Variants in IGSF3 observed in about 807,000 individuals in gnomAD.
The protein encoded by IGSF3 is immunoglobulin superfamily member 3.
Under a neutral mutation model 114.4 loss-of-function variants are expected in IGSF3, and 23 were observed. The ratio of observed to expected loss-of-function variants is 0.20; its 90% CI spans 0.14 to 0.28. The LOEUF (loss-of-function observed/expected upper bound fraction) is 0.28, where lower values mean the gene tolerates loss of function less well. Among genes scored for constraint, IGSF3 ranks in the 10% least tolerant of loss-of-function variants. IGSF3 has a pLI of 1.00. For missense variants in IGSF3, 1,172 were observed against 1,591.5 expected (o/e 0.74, Z 4.48); for synonymous variants, 571 against 645.2 (o/e 0.88, Z 1.74).
In IGSF3 at chr1:116,593,504, C is replaced by T. The variant is rs1350868341; in HGVS notation, c.2030-4400G>A. On this transcript the variant is annotated intron_variant, in intron 7 of 10. Coordinates refer to ENST00000369486, the MANE Select transcript of IGSF3 (RefSeq NM_001007237.3). This position sits in a 1 kb window ranked among gnomAD's most constrained non-coding sequence, Gnocchi z 4.5. ...GGAGAGAAGCAAGTCAGATGAGAGA[C>T]AAGGAAAGAATGCAGGGTGAGCTGC... 1.3e-5 allele frequency among the ~76,000 whole-genome samples: 2 copies of T among 152,192 alleles called. No individual in the cohort carries two copies. The highest frequency in any genetic ancestry group is 4.8e-5 in the African/African-American group (2 of 41,444).
chr1:116,579,170 T>C lies in IGSF3; in HGVS notation c.3334+222A>G, dbSNP rs189818569. On this transcript the variant is annotated intron_variant, in intron 10 of 10. Coordinates refer to ENST00000369486, the MANE Select transcript of IGSF3 (RefSeq NM_001007237.3). The surrounding 1 kb of genome is among the most constrained non-coding windows in gnomAD (Gnocchi z 6.4). Reference sequence around the variant, plus strand: ...CATCGAGTTTATTATAAAGATTATATGGTATGTTATCACTTTAATTTCTAT... The same window carrying C: ...CATCGAGTTTATTATAAAGATTATACGGTATGTTATCACTTTAATTTCTAT... 1.8e-3 allele frequency among the ~76,000 whole-genome samples: 271 copies of C among 152,328 alleles called. 1 individual carries two copies. The highest frequency in any genetic ancestry group is 5.9e-3 in the African/African-American group (244 of 41,562).
In IGSF3 at chr1:116,629,953, C is replaced by T. The variant is rs574754796; in HGVS notation, c.44-13496G>A. On this transcript the variant is annotated intron_variant, in intron 2 of 10. Coordinates refer to ENST00000369486, the MANE Select transcript of IGSF3 (RefSeq NM_001007237.3). The surrounding 1 kb of genome is among the most constrained non-coding windows in gnomAD (Gnocchi z 4.3). ...TGATGAAAATCATCCTTTCAGGGTA[C>T]AAGGAAGGCACCTGAATGACAGATG... is the stretch of plus-strand genomic sequence containing the variant. Among the ~76,000 whole-genome samples, 2 of 152,230 alleles carry T rather than the reference C, an allele frequency of 1.3e-5. No homozygotes were observed. The highest frequency in any genetic ancestry group is 4.1e-4 in the South Asian group (2 of 4,824).
rs1659419514 is a variant in IGSF3, at chr1:116,577,866, C to T, written c.3335-304G>A. On this transcript the variant is annotated intron_variant, in intron 10 of 10. Transcript: ENST00000369486. The surrounding 1 kb of genome is among the most constrained non-coding windows in gnomAD (Gnocchi z 5.7). ...AATTTATTGATTGTGAACTCAACTG[C>T]ATCTAGAATGGTGAAGAAGCTGCTC... Among the ~76,000 whole-genome samples the T allele has an allele frequency of 6.6e-6, 1 of 152,190 alleles. No individual in the cohort carries two copies. Among genetic ancestry groups the T allele is most frequent in the Non-Finnish European group, 1.5e-5 (1 of 68,036 alleles).
At position 116,647,585 on chromosome 1, in the gene IGSF3, T is replaced by G. The variant is rs1456834180; in HGVS notation, c.43+18699A>C. Among the ~76,000 whole-genome samples, 1 of 152,254 alleles carries G rather than the reference T, an allele frequency of 6.6e-6. No individual in the cohort carries two copies. Among genetic ancestry groups the G allele is most frequent in the East Asian group, 1.9e-4 (1 of 5,204 alleles). ...TAAAATCACCCTAATGAGTATTTCCTATTATTTTACAGATGAGGAAATGAG... is the reference window on the plus strand; with the variant it reads ...TAAAATCACCCTAATGAGTATTTCCGATTATTTTACAGATGAGGAAATGAG... On this transcript the variant is annotated intron_variant, in intron 2 of 10. Transcript: ENST00000369486. The surrounding 1 kb of genome is among the most constrained non-coding windows in gnomAD (Gnocchi z 4.6).
At position 116,607,977 on chromosome 1, in the gene IGSF3, C is replaced by T. The variant is rs1310715898; in HGVS notation, c.1187G>A (p.Arg396His). 16 of 1,613,802 alleles carry T rather than the reference C, an allele frequency of 9.9e-6. No individual in the cohort carries two copies. The highest frequency in any genetic ancestry group is 1.7e-5 in the Admixed American group (1 of 59,994). Residue 396 changes from arginine to histidine, a missense_variant, in exon 5 of 11, where the codon CGT becomes CAT. Around this residue, in one of 3 missense-constraint regions of IGSF3, gnomAD observed 736 missense variants for 1,042.0 expected, o/e 0.71. Transcript: ENST00000369486. The surrounding 1 kb of genome is among the most constrained non-coding windows in gnomAD (Gnocchi z 6.1). ...GACTATGATGGGGATGTTCTTGGGA[C>T]GCTTGCTCTCCTTATCAATGAATTC... The part of the protein sequence containing the change: ...TGEFIDKESK[R>H]PKNIPIIVLP...
In IGSF3 at chr1:116,598,357, G is replaced by C. The variant is rs1224957580; in HGVS notation, c.2029+1584C>G. 6.6e-6 allele frequency among the ~76,000 whole-genome samples: 1 copy of C among 152,156 alleles called. No homozygotes were observed. Among genetic ancestry groups the C allele is most frequent in the African/African-American group, 2.4e-5 (1 of 41,440 alleles). ...TCCACAACAAGGGTTCACATAAAAT[G>C]GGGTCTCTGCTTAACCTTCCATTAA... On this transcript the variant is annotated intron_variant, in intron 7 of 10. Transcript: ENST00000369486. The surrounding 1 kb of genome is among the most constrained non-coding windows in gnomAD (Gnocchi z 4.3).
At position 116,648,970 on chromosome 1, in the gene IGSF3, C is replaced by A. The variant is rs1648518348; in HGVS notation, c.43+17314G>T. ...GAGGTAGAATGAGTCAGCCAGCAAG[C>A]TCCAGCCCATTGACAGCAGACCCCT... On this transcript the variant is annotated intron_variant, in intron 2 of 10. Coordinates refer to ENST00000369486, the MANE Select transcript of IGSF3 (RefSeq NM_001007237.3). The surrounding 1 kb of genome is among the most constrained non-coding windows in gnomAD (Gnocchi z 4.7). 6.6e-6 allele frequency among the ~76,000 whole-genome samples: 1 copy of A among 152,190 alleles called. No individual in the cohort carries two copies. Among genetic ancestry groups the A allele is most frequent in the African/African-American group, 2.4e-5 (1 of 41,446 alleles).
At position 116,629,986 on chromosome 1, in the gene IGSF3, G is replaced by C. The variant is rs1002183045; in HGVS notation, c.44-13529C>G. On this transcript the variant is annotated intron_variant, in intron 2 of 10. Transcript: ENST00000369486. This position sits in a 1 kb window ranked among gnomAD's most constrained non-coding sequence, Gnocchi z 4.3. ...GCACCTGAATGACAGATGGTTTGAG[G>C]AATCTTGAGAAAGCAGAAGTTTAGG... is the stretch of plus-strand genomic sequence containing the variant. Among the ~76,000 whole-genome samples the C allele has an allele frequency of 1.3e-5, 2 of 152,176 alleles. No homozygotes were observed. The highest frequency in any genetic ancestry group is 1.5e-5 in the Non-Finnish European group (1 of 68,020).
chr1:116,584,510 T>A lies in IGSF3; in HGVS notation c.2848+135A>T, dbSNP rs1659729061. The A allele has an allele frequency of 1.2e-6, 1 of 845,512 alleles. No homozygotes were observed. Among genetic ancestry groups the A allele is most frequent in the East Asian group, 2.7e-5 (1 of 36,980 alleles). 52.4% of individuals were successfully genotyped at this position (845,512 alleles called of 1,614,324 possible). ...AAATTCAGGCAATTTTGAATATAAA[T>A]GCATATACATGTAGACACTCATATA... On this transcript the variant is annotated intron_variant, in intron 9 of 10. Transcript: ENST00000369486. The surrounding 1 kb of genome is among the most constrained non-coding windows in gnomAD (Gnocchi z 5.8).
rs149239715 is a variant in IGSF3 at position 116,654,660 on chromosome 1, G to A, written c.43+11624C>T. On this transcript the variant is annotated intron_variant, in intron 2 of 10. Transcript: ENST00000369486. The surrounding 1 kb of genome is among the most constrained non-coding windows in gnomAD (Gnocchi z 4.4). ...CATACGAGGCTCCTCTGGTATGGACGGTGTCTCCTCTCTGGTGGGAAGTAT... is the reference window on the plus strand; with the variant it reads ...CATACGAGGCTCCTCTGGTATGGACAGTGTCTCCTCTCTGGTGGGAAGTAT... Among the ~76,000 whole-genome samples the A allele has an allele frequency of 7.2e-4, 110 of 152,236 alleles. No homozygotes were observed. The highest frequency in any genetic ancestry group is 2.3e-3 in the African/African-American group (95 of 41,548).
At position 116,595,114 on chromosome 1, in the gene IGSF3, G is replaced by C. The variant is rs1161661097; in HGVS notation, c.2029+4827C>G. Among the ~76,000 whole-genome samples the C allele has an allele frequency of 2.0e-5, 3 of 152,116 alleles. No homozygotes were observed. The highest frequency in any genetic ancestry group is 2.1e-4 in the South Asian group (1 of 4,832). On this transcript the variant is annotated intron_variant, in intron 7 of 10. Transcript: ENST00000369486. This position sits in a 1 kb window ranked among gnomAD's most constrained non-coding sequence, Gnocchi z 4.2. The stretch of plus-strand genomic sequence containing the variant: ...GAGAGACAGGGAGGGAGGGGCAAGG[G>C]GAAAGCAGCAAGAGTCTGCAGGTGG...
At chr1:116,646,434 A>G (rs530623835) in intron 2 of IGSF3, among the ~76,000 whole-genome samples, 1 of 152,296 alleles carries the variant, frequency 6.6e-6, no homozygotes, top group African/African-American at 2.4e-5. Context: ...TTTGATGTCT[A>G]ATTTTACTCC....
rs776357794 is a variant in IGSF3, at chr1:116,579,746, TCAGGGAATAC to T, written c.2970_2979del (p.Trp990Ter). On this transcript the variant is annotated frameshift_variant, in exon 10 of 11. Transcript: ENST00000369486. LOFTEE classifies it high-confidence loss of function. This position sits in a 1 kb window ranked among gnomAD's most constrained non-coding sequence, Gnocchi z 6.4. ...CTCCTTTTCCCCCCAGCTTTAGTCC[TCAGGGAATAC>T]CAGGCCACAGCGAAGCGGGAGTCCT... 1 of 1,613,886 alleles carries T rather than the reference TCAGGGAATAC, an allele frequency of 6.2e-7. No homozygotes were observed. Among genetic ancestry groups the T allele is most frequent in the Non-Finnish European group, 8.5e-7 (1 of 1,179,934 alleles).
chr1:116,601,777 G>A (rs1156630981), intron 6 of IGSF3, among the ~76,000 whole-genome samples: 1 of 152,136 alleles, frequency 6.6e-6, no homozygotes, highest in Non-Finnish European at 1.5e-5. Context: ...AACATGAAGC[G>A]CCTGTGACAG....
chr1:116,630,218 T>C (rs1341037713), intron 2 of IGSF3, among the ~76,000 whole-genome samples: 1 of 152,172 alleles, frequency 6.6e-6, no homozygotes, highest in East Asian at 1.9e-4. Flanking sequence ...CCTGCCCAGA[T>C]GCTGTTAAGG....
At chr1:116,578,617 T>C (rs981346696) in intron 10 of IGSF3, among the ~76,000 whole-genome samples, 12 of 152,234 alleles carry the variant, frequency 7.9e-5, no homozygotes, top group Admixed American at 4.6e-4. Context: ...TGTTGAAAAA[T>C]GTTTTGACTA....
intron 2 of IGSF3, among the ~76,000 whole-genome samples, chr1:116,637,573 C>T (rs1004257876): frequency 3.3e-5 from 5 of 152,292 alleles, no homozygotes; most frequent in Admixed American, 1.3e-4. Flanking sequence ...AGCAAGCAGA[C>T]GACCTTCTTT....
chr1:116,604,692 C>T (rs188411052), intron 5 of IGSF3, among the ~76,000 whole-genome samples: 496 of 152,316 alleles, frequency 3.3e-3, no homozygotes, highest in South Asian at 8.7e-3. Flanking sequence ...ACCACTCTCC[C>T]GCCTGTCCAG....
Position 116,664,511 on chromosome 1 carries a change from G to A in IGSF3, c.43+1773C>T, listed in dbSNP as rs376715404. Among the ~76,000 whole-genome samples, 2 of 151,976 alleles carry A rather than the reference G, an allele frequency of 1.3e-5. No individual in the cohort carries two copies. Among genetic ancestry groups the A allele is most frequent in the Non-Finnish European group, 2.9e-5 (2 of 67,980 alleles). ...ACCCTGCCACTCAGCCCTCTTTCCC[G>A]CCTTAGCCACACACCCCACCCCACA... On this transcript the variant is annotated intron_variant, in intron 2 of 10. Transcript: ENST00000369486. The surrounding 1 kb of genome is among the most constrained non-coding windows in gnomAD (Gnocchi z 4.6).
Sources: gnomAD v4.1 joint callset for allele counts (sites outside exome capture counted in the v4.1 genomes callset) on GRCh38, gnomAD v4.1.1 for gene constraint, gnomAD v4.1.1 regional missense constraint, Gnocchi (gnomAD v3.1) non-coding constraint, MANE v1.5 for transcripts, NCBI Gene and HGNC (gene_info 2026-07-23, HGNC 2026-07-21) for gene names.